The following PSMG4 variants were observed in gnomAD, a reference collection of about 807,000 sequenced individuals.
PSMG4 encodes the protein proteasome assembly chaperone 4.
PSMG4 carries 10 observed loss-of-function variants against 11.0 expected under a neutral mutation model. The observed-to-expected ratio is 0.91, with a 90% confidence interval of 0.56 to 1.54. PSMG4 has a LOEUF of 1.54. Among genes scored for constraint, PSMG4 ranks in the 40% most tolerant of loss-of-function variants. The pLI is 0.00. For missense variants in PSMG4, 198 were observed against 160.9 expected, an observed-to-expected ratio of 1.23 and a Z score of -1.25; for synonymous variants, 95 against 71.3, an observed-to-expected ratio of 1.33 and a Z score of -1.68.
rs1471881019 is a variant in PSMG4, at chr6:3,259,094, G to A, written c.72G>A (p.Gln24=). The A allele has an allele frequency of 2.4e-6, 3 of 1,273,460 alleles. No individual in the cohort carries two copies. The highest frequency in any genetic ancestry group is 3.0e-6 in the Non-Finnish European group (3 of 1,007,920). 78.9% of individuals were successfully genotyped at this position (1,273,460 alleles called of 1,614,324 possible). A position where few individuals can be genotyped will look rare whatever the true frequency, so the allele number is the denominator to read the frequency against. Residue 24 remains glutamine, a synonymous_variant, in exon 1 of 3, where the codon CAG becomes CAA. Transcript: ENST00000438998. ...ACTTCAGCGCGAGGCTGTGGGAGCA[G>A]CTGGTCCACTTCCACGTCATGCGGC... ...LHNFSARLWE[Q]LVHFHVMRLT... is the part of the protein sequence containing the mutation.
intron 1 of PSMG4, 117 bp downstream of exon 1, chr6:3,259,313 G>A: frequency 1.0e-6 from 1 of 966,616 alleles, no homozygotes; most frequent in Non-Finnish European, 1.3e-6. Context: ...CTACTCCCCC[G>A]AAGCCCACCC....
chr6:3,264,421 T>A, intron 2 of PSMG4: 11 of 1,481,708 alleles, frequency 7.4e-6, no homozygotes, highest in Non-Finnish European at 9.0e-6. Flanking sequence ...CGTTCTCCAG[T>A]AGGCCCAGCT....
In PSMG4 at chr6:3,258,951, C is replaced by T. The variant is rs1266427830; in HGVS notation, c.-72C>T. 2.5e-5 allele frequency: 30 copies of T among 1,213,012 alleles called. No individual in the cohort carries two copies. Among genetic ancestry groups the T allele is most frequent in the Admixed American group, 4.2e-5 (1 of 23,620 alleles). 75.1% of individuals were successfully genotyped at this position (1,213,012 alleles called of 1,614,324 possible). A position where few individuals can be genotyped will look rare whatever the true frequency, so the allele number is the denominator to read the frequency against. On this transcript the variant is annotated 5_prime_UTR_variant, in exon 1 of 3. Transcript: ENST00000438998. ...GCGCTCGGTCTCTCGGTGCTCGCTC[C>T]ATCGGGTCTGGCGGGGCTGGCAGCG...
At chr6:3,255,411 A>C (rs74374597), upstream of PSMG4, among the ~76,000 whole-genome samples, 102 of 152,048 alleles carry the variant, frequency 6.7e-4, no homozygotes, top group African/African-American at 2.2e-3. Context: ...GGATTTTCAC[A>C]CTTCGTGGAC....
chr6:3,263,738 A>G lies in PSMG4; in HGVS notation c.229A>G (p.Thr77Ala), dbSNP rs1013066403. The change falls in exon 2 of 3, where the codon ACT becomes GCT. Residue 77 changes from threonine (T) to alanine (A), a missense_variant. By Grantham distance (58) the Thr-to-Ala change is moderately conservative. Transcript: ENST00000438998. ...TGGAGACACTTCCGACACGACCTCT[A>G]CTGGCCTTGCCCAGCGCCTAGGTAT... ...LLGDTSDTTS[T>A]GLAQRLARKT... is the part of the protein sequence containing the mutation. 3 of 1,551,078 alleles carry G rather than the reference A, an allele frequency of 1.9e-6. No individual in the cohort carries two copies. The highest frequency in any genetic ancestry group is 1.4e-5 in the African/African-American group (1 of 72,980).
chr6:3,254,946 C>G (rs1757698864), upstream of PSMG4: 2 of 1,279,188 alleles, frequency 1.6e-6, no homozygotes, highest in Non-Finnish European at 2.1e-6. Context: ...TGGGTGTCAG[C>G]TGTTGGGTGT....
chr6:3,255,187 G>A (rs966980154), upstream of PSMG4: 12 of 1,550,548 alleles, frequency 7.7e-6, no homozygotes, highest in African/African-American at 1.5e-4. Context: ...GCGCTCTGGT[G>A]GAAGTAGGAT....
intron 2 of PSMG4, chr6:3,265,470 CAG>C (rs1758147128): frequency 6.6e-6 from 1 of 152,248 alleles, no homozygotes; most frequent in Non-Finnish European, 1.5e-5. Context: ...CTGAGGGGCT[CAG>C]TGCCTCCAGA....
chr6:3,258,841 C>T, upstream of PSMG4: 2 of 502,214 alleles, frequency 4.0e-6, no homozygotes, highest in Non-Finnish European at 6.2e-6. Flanking sequence ...CGCCCCGCCT[C>T]GACCACGCCC....
rs756746690 is a variant in PSMG4, at chr6:3,264,350, CCCCCAG to C, written c.250+598_250+603del. 19 of 1,541,194 alleles carry C rather than the reference CCCCCAG, an allele frequency of 1.2e-5. 1 individual carries two copies. The Admixed American group carries it at 3.4e-4, about 27-fold the overall frequency. On this transcript the variant is annotated intron_variant, in intron 2 of 2. Coordinates refer to ENST00000438998, the MANE Select transcript of PSMG4 (RefSeq NM_001128591.2). ...GGTAAGGCTTCCATGTGCTCTGCGA[CCCCCAG>C]CCCCAGTGCCTGTGGCCAGTGTGCA...
intron 1 of PSMG4, among the ~76,000 whole-genome samples, chr6:3,260,205 C>CTG (rs1482244398): frequency 2.8e-4 from 19 of 68,748 alleles, no homozygotes; most frequent in Non-Finnish European, 6.7e-4. Flanking sequence ...GTGAGCCCGA[C>CTG]TCTTCTCATA....
At chr6:3,255,051 G>C (rs776909004), upstream of PSMG4, 6 of 1,550,696 alleles carry the variant, frequency 3.9e-6, no homozygotes, top group Middle Eastern at 1.7e-4. Flanking sequence ...CTCTGGACAG[G>C]AACAAACACA....
upstream of PSMG4, among the ~76,000 whole-genome samples, chr6:3,254,512 G>T (rs1303284734): frequency 2.0e-5 from 3 of 151,986 alleles, no homozygotes; most frequent in Non-Finnish European, 4.4e-5. Flanking sequence ...TATGTGTTGG[G>T]TTTATGAGCT....
upstream of PSMG4, among the ~76,000 whole-genome samples, chr6:3,256,401 G>A (rs1023448099): frequency 2.0e-5 from 3 of 152,172 alleles, no homozygotes; most frequent in African/African-American, 4.8e-5. Context: ...TTCCCCACTC[G>A]AGAAGGACTG....
intron 2 of PSMG4, chr6:3,264,156 G>A: frequency 6.5e-7 from 1 of 1,548,080 alleles, no homozygotes; most frequent in Non-Finnish European, 8.7e-7. Context: ...TGGTGGAGCA[G>A]GTGTCACCTC....
chr6:3,258,125 T>G (rs965664601), upstream of PSMG4, among the ~76,000 whole-genome samples: 4 of 152,094 alleles, frequency 2.6e-5, no homozygotes, highest in African/African-American at 7.2e-5. Flanking sequence ...TTTTCTCAAC[T>G]CTGTAATGTC....
intron 1 of PSMG4, among the ~76,000 whole-genome samples, chr6:3,259,757 C>CA (rs1757905633): frequency 6.6e-6 from 1 of 152,182 alleles, no homozygotes; most frequent in Non-Finnish European, 1.5e-5. Flanking sequence ...TGCCGCCAGT[C>CA]AAAGCAGACA....
At chr6:3,256,687 C>T (rs1336049333), upstream of PSMG4, among the ~76,000 whole-genome samples, 3 of 152,184 alleles carry the variant, frequency 2.0e-5, no homozygotes, top group African/African-American at 7.2e-5. Flanking sequence ...ACCGCCCTTG[C>T]AGTAGGCAGG....
At chr6:3,254,451 C>CG (rs35826360), upstream of PSMG4, among the ~76,000 whole-genome samples, 2 of 151,712 alleles carry the variant, frequency 1.3e-5, no homozygotes, top group East Asian at 1.9e-4. Flanking sequence ...TAGTTTTCTG[C>CG]TTTTTTTGTG....
Sources: gnomAD v4.1 joint callset for allele counts (sites outside exome capture counted in the v4.1 genomes callset) on GRCh38, gnomAD v4.1.1 for gene constraint, MANE v1.5 for transcripts, NCBI Gene and HGNC (gene_info 2026-07-23, HGNC 2026-07-21) for gene names.